The following UCK2 variants were observed in gnomAD, a reference collection of about 807,000 sequenced individuals.
The protein encoded by UCK2 is uridine-cytidine kinase 2.
Under a neutral mutation model 30.8 loss-of-function variants are expected in UCK2, and 6 were observed. The ratio of observed to expected loss-of-function variants is 0.19; its 90% confidence interval spans 0.11 to 0.38. The LOEUF (loss-of-function observed/expected upper bound fraction) is 0.38. UCK2 is among the 10% of genes least tolerant of loss of function. The pLI, the probability that UCK2 is intolerant of heterozygous loss-of-function variation, is 1.00. For missense variants in UCK2, 210 were observed against 339.8 expected, an observed-to-expected ratio of 0.62 and a Z score of 3.00; for synonymous variants, 125 against 133.6, an observed-to-expected ratio of 0.94 and a Z score of 0.45.
At chr1:165,878,153 CT>C (rs1286000768) in intron 1 of UCK2, among the ~76,000 whole-genome samples, 1 of 152,190 alleles carries the variant, frequency 6.6e-6, no homozygotes, top group African/African-American at 2.4e-5. Context: ...TGCCTTTCCC[CT>C]AACCCCTGGC....
chr1:165,889,847 C>T (rs1403354502), intron 1 of UCK2, among the ~76,000 whole-genome samples: 4 of 152,006 alleles, frequency 2.6e-5, no homozygotes, highest in Non-Finnish European at 4.4e-5. Flanking sequence ...TCCTCCCACC[C>T]GCCACCTCCA....
intron 3 of UCK2, among the ~76,000 whole-genome samples, chr1:165,892,938 G>T (rs1471676837): frequency 1.3e-5 from 2 of 152,172 alleles, no homozygotes; most frequent in Non-Finnish European, 2.9e-5. Context: ...GGGAGTGGGT[G>T]TGTGGGAAGG....
In UCK2 at chr1:165,848,761, A is replaced by C. The variant is rs865995715; in HGVS notation, c.99+20829A>C. 2.6e-5 allele frequency among the ~76,000 whole-genome samples: 4 copies of C among 152,238 alleles called. No homozygotes were observed. The Middle Eastern group carries it at 0.01, about 388-fold the overall frequency. ...GACCTGTTATCTGTGTCAGCTTTTG[A>C]TACTATCTGCCCTTCACGTCTTTAT... On this transcript the variant is annotated intron_variant, in intron 1 of 6. Coordinates refer to ENST00000367879, the MANE Select transcript of UCK2 (RefSeq NM_012474.5).
intron 1 of UCK2, among the ~76,000 whole-genome samples, chr1:165,854,059 C>T (rs939191281): frequency 3.3e-5 from 5 of 152,232 alleles, no homozygotes; most frequent in Non-Finnish European, 7.3e-5. Context: ...TTTGGGAAGT[C>T]TGAGAAACTT....
intron 1 of UCK2, among the ~76,000 whole-genome samples, chr1:165,877,327 C>T (rs1655361854): frequency 1.3e-5 from 2 of 152,044 alleles, no homozygotes; most frequent in South Asian, 4.1e-4. Flanking sequence ...AGAAATAATA[C>T]AGAGAGATCC....
At chr1:165,837,705 G>A (rs1654230727) in intron 1 of UCK2, among the ~76,000 whole-genome samples, 1 of 152,170 alleles carries the variant, frequency 6.6e-6, no homozygotes, top group African/African-American at 2.4e-5. Context: ...ACTATTGCCT[G>A]AAGCTAACAA....
At chr1:165,906,114 C>T (rs1388550893) in intron 6 of UCK2, 145 bp downstream of exon 6, 4 of 751,868 alleles carry the variant, frequency 5.3e-6, no homozygotes, top group Middle Eastern at 3.8e-4. Flanking sequence ...AACCTTTCCA[C>T]CTACACGTCT....
At chr1:165,845,025 A>T (rs901658198) in intron 1 of UCK2, among the ~76,000 whole-genome samples, 32 of 152,144 alleles carry the variant, frequency 2.1e-4, no homozygotes, top group South Asian at 4.1e-4. Flanking sequence ...GAACCTGAGG[A>T]GGGGTCATGA....
intron 3 of UCK2, among the ~76,000 whole-genome samples, chr1:165,893,557 G>A (rs1655821103): frequency 6.6e-6 from 1 of 152,200 alleles, no homozygotes; most frequent in Admixed American, 6.5e-5. Context: ...TTTACTTGTT[G>A]CAATTACATT....
At chr1:165,857,431 G>A (rs368004209) in intron 1 of UCK2, among the ~76,000 whole-genome samples, 2 of 152,286 alleles carry the variant, frequency 1.3e-5, no homozygotes, top group East Asian at 1.9e-4. Context: ...GTGCAGTTGC[G>A]TAAGTGGCAT....
chr1:165,829,013 T>A (rs1248993802), intron 1 of UCK2, among the ~76,000 whole-genome samples: 1 of 152,036 alleles, frequency 6.6e-6, no homozygotes, highest in Admixed American at 6.6e-5. Flanking sequence ...GTTGGCGCCA[T>A]GAGGAAAGAG....
intron 1 of UCK2, among the ~76,000 whole-genome samples, chr1:165,851,247 TGTCATGA>T (rs1388254144): frequency 4.6e-5 from 7 of 152,206 alleles, no homozygotes. Flanking sequence ...AAAGGCACAT[TGTCATGA>T]TGGTTTTTCT....
At chr1:165,860,442 T>C (rs1222720922) in intron 1 of UCK2, among the ~76,000 whole-genome samples, 1 of 152,176 alleles carries the variant, frequency 6.6e-6, no homozygotes, top group Non-Finnish European at 1.5e-5. Flanking sequence ...AATTCTTTTT[T>C]TTTTGAGACA....
chr1:165,896,493 C>T (rs963622419), intron 4 of UCK2, among the ~76,000 whole-genome samples, 161 bp downstream of exon 4: 2 of 152,192 alleles, frequency 1.3e-5, no homozygotes, highest in Admixed American at 6.5e-5. Context: ...AGTCCAGCCC[C>T]AGGATATCCT....
intron 1 of UCK2, among the ~76,000 whole-genome samples, chr1:165,853,503 G>A (rs12239084): frequency 0.012 from 1,872 of 151,514 alleles, 44 homozygotes; most frequent in African/African-American, 0.043. Context: ...CTCCAACCAG[G>A]TGTTTGCAGA....
intron 1 of UCK2, among the ~76,000 whole-genome samples, chr1:165,859,165 G>A (rs531679326): frequency 1.1e-3 from 169 of 150,630 alleles, no homozygotes; most frequent in African/African-American, 4.1e-3. Flanking sequence ...TTGAACTTGG[G>A]GCAGGTGTTC....
rs1013879050 is a variant in UCK2 at position 165,910,815 on chromosome 1, C to G, written c.*2992C>G. ...AATCATCCCTGCTTCTGGTCTTGGCCACTTGGCAATCATGGGGAAGTTGAC... is the reference window on the plus strand; with the variant it reads ...AATCATCCCTGCTTCTGGTCTTGGCGACTTGGCAATCATGGGGAAGTTGAC... On this transcript the variant is annotated 3_prime_UTR_variant, in exon 7 of 7. Transcript: ENST00000367879. The G allele has an allele frequency of 3.9e-5, 6 of 152,266 alleles. No homozygotes were observed. The highest frequency in any genetic ancestry group is 1.4e-4 in the African/African-American group (6 of 41,450). The allele number at this position is 152,266 out of a possible 1,614,324, so 9.4% of individuals were successfully genotyped here. A position where few individuals can be genotyped will look rare whatever the true frequency, so the allele number is the denominator to read the frequency against.
chr1:165,885,277 C>T (rs769943634), intron 1 of UCK2: 88 of 396,986 alleles, frequency 2.2e-4, no homozygotes, highest in Non-Finnish European at 3.6e-4. Context: ...AATCATTTCA[C>T]GTGATCAATT....
intron 6 of UCK2, among the ~76,000 whole-genome samples, chr1:165,906,207 G>A (rs1484627221): frequency 2.0e-5 from 3 of 152,116 alleles, no homozygotes; most frequent in African/African-American, 7.2e-5. Flanking sequence ...GCAGAATAGA[G>A]GGCTGTAGAT....
Sources: allele counts gnomAD v4.1 joint callset (sites outside exome capture counted in the v4.1 genomes callset), GRCh38; gene constraint gnomAD v4.1.1; transcripts MANE v1.5; gene names NCBI Gene and HGNC (gene_info 2026-07-23, HGNC 2026-07-21).